Variants in ZBP1 observed in about 807,000 individuals in gnomAD.
ZBP1 encodes Z-DNA binding protein 1.
ZBP1 carries 42 observed loss-of-function variants against 41.1 expected under a neutral mutation model. The observed-to-expected ratio is 1.02, with a 90% CI of 0.80 to 1.32. ZBP1 has a LOEUF of 1.32. Among genes scored for constraint, ZBP1 ranks in the 40% most tolerant of loss-of-function variants. The pLI is 0.00. For missense variants in ZBP1, 562 were observed against 549.7 expected (o/e 1.02, Z -0.22); for synonymous variants, 214 against 205.2 (o/e 1.04, Z -0.37).
Position 57,610,074 on chromosome 20 carries a change from G to C in ZBP1, c.1093+75C>G. 1.4e-6 allele frequency: 2 copies of C among 1,427,170 alleles called. No homozygotes were observed. Among genetic ancestry groups the C allele is most frequent in the Admixed American group, 3.5e-5 (2 of 57,590 alleles). 88.4% of individuals were successfully genotyped at this position (1,427,170 alleles called of 1,614,324 possible). A position where few individuals can be genotyped will look rare whatever the true frequency, so the allele number is the denominator to read the frequency against. ...CCAGAGATTAGCGAATGATCGATGAGAGTGAATGAATGAATGAGTGGAAGG... is the reference window on the plus strand; with the variant it reads ...CCAGAGATTAGCGAATGATCGATGACAGTGAATGAATGAATGAGTGGAAGG... On this transcript the variant is annotated intron_variant, in intron 7 of 7. Transcript: ENST00000371173. This position sits in a 1 kb window ranked among gnomAD's most constrained non-coding sequence, Gnocchi z 5.5.
chr20:57,610,003 T>C lies in ZBP1; in HGVS notation c.1093+146A>G. ...GGAGCCTCCACGCTGACTCTAGAGC[T>C]GCTGCTCCTCGCTGTGGGTGGGCAC... On this transcript the variant is annotated intron_variant, in intron 7 of 7. Coordinates refer to ENST00000371173, the MANE Select transcript of ZBP1 (RefSeq NM_030776.3). This position sits in a 1 kb window ranked among gnomAD's most constrained non-coding sequence, Gnocchi z 5.5. 1.1e-6 allele frequency: 1 copy of C among 891,646 alleles called. No individual in the cohort carries two copies. The highest frequency in any genetic ancestry group is 1.7e-6 in the Non-Finnish European group (1 of 577,916). 55.2% of individuals were successfully genotyped at this position (891,646 alleles called of 1,614,324 possible).
In ZBP1 at chr20:57,616,296, G is replaced by A. The variant is rs765740931; in HGVS notation, c.207C>T (p.Gly69=). 3.8e-5 allele frequency: 62 copies of A among 1,614,020 alleles called. No homozygotes were observed. Among genetic ancestry groups the A allele is most frequent in the South Asian group, 6.6e-5 (6 of 91,090 alleles). ...SLTSPATWCL[G]GTDPEGEGPA... is the part of the protein sequence containing the mutation. Reference sequence around the variant, plus strand: ...GACCCTCGCCTTCAGGATCAGTCCCGCCCAAGCACCAGGTGGCAGGGGATG... The same window carrying A: ...GACCCTCGCCTTCAGGATCAGTCCCACCCAAGCACCAGGTGGCAGGGGATG... Residue 69 remains glycine (G), a synonymous_variant, in exon 2 of 8, where the codon GGC becomes GGT. Coordinates refer to ENST00000371173, the MANE Select transcript of ZBP1 (RefSeq NM_030776.3).
At position 57,615,389 on chromosome 20, in the gene ZBP1, T is replaced by C. The variant is rs150922849; in HGVS notation, c.328+123A>G. On this transcript the variant is annotated intron_variant, in intron 3 of 7. Transcript: ENST00000371173. The stretch of plus-strand genomic sequence containing the variant: ...TTGGCTCTGAACACTGTATGGGAGC[T>C]GCCTGGTGGGTGGGACAGGGCCCCT... The C allele has an allele frequency of 1.8e-3, 1,877 of 1,040,008 alleles. 17 individuals are homozygous for C. In the African/African-American group the frequency reaches 0.026, roughly 15 times the overall value. 64.4% of individuals were successfully genotyped at this position (1,040,008 alleles called of 1,614,324 possible). A position where few individuals can be genotyped will look rare whatever the true frequency, so the allele number is the denominator to read the frequency against.
At chr20:57,616,534 G>T in intron 1 of ZBP1, 66 bp from the exon 2 acceptor site, 1 of 1,580,126 alleles carries the variant, frequency 6.3e-7, no homozygotes. Flanking sequence ...TTGAGCCCAG[G>T]CTGGAGGCTC....
rs151100341 is a variant in ZBP1 at position 57,604,486 on chromosome 20, C to T, written c.*87G>A. On this transcript the variant is annotated 3_prime_UTR_variant, in exon 8 of 8. Coordinates refer to ENST00000371173, the MANE Select transcript of ZBP1 (RefSeq NM_030776.3). ...CTGGAAGCAAGCAGGTCAAACAAGA[C>T]GCTAAGGAATGCAGAGAGCAGCAGG... The T allele has an allele frequency of 1.2e-3, 1,860 of 1,512,226 alleles. 21 individuals carry two copies. The African/African-American group carries it at 0.023, about 19-fold the overall frequency. The allele number at this position is 1,512,226 out of a possible 1,614,324, so 93.7% of individuals were successfully genotyped here. A position where few individuals can be genotyped will look rare whatever the true frequency, so the allele number is the denominator to read the frequency against.
At position 57,610,713 on chromosome 20, in the gene ZBP1, T is replaced by C. The variant is rs2070641603; in HGVS notation, c.875-346A>G. On this transcript the variant is annotated intron_variant, in intron 6 of 7. Transcript: ENST00000371173. The surrounding 1 kb of genome is among the most constrained non-coding windows in gnomAD (Gnocchi z 5.5). The stretch of plus-strand genomic sequence containing the variant: ...CTGGAACACTGGCCCCCACTTTTGG[T>C]TGAAATCTTATGGGGGCTCCCAGCC... The C allele has an allele frequency of 1.1e-5, 4 of 361,984 alleles. No individual in the cohort carries two copies. Among genetic ancestry groups the C allele is most frequent in the Admixed American group, 4.3e-5 (1 of 23,394 alleles). The allele number at this position is 361,984 out of a possible 1,614,324, so 22.4% of individuals were successfully genotyped here.
chr20:57,610,444 T>A lies in ZBP1; in HGVS notation c.875-77A>T, dbSNP rs1456172295. On this transcript the variant is annotated intron_variant, in intron 6 of 7. Coordinates refer to ENST00000371173, the MANE Select transcript of ZBP1 (RefSeq NM_030776.3). This position sits in a 1 kb window ranked among gnomAD's most constrained non-coding sequence, Gnocchi z 5.5. ...CGGGAACCCTGACCCCCAGCCTGGT[T>A]CACCCTCCTCCCCAGATCTCCCACC... 1.7e-5 allele frequency: 26 copies of A among 1,506,300 alleles called. No homozygotes were observed. The highest frequency in any genetic ancestry group is 1.8e-5 in the Non-Finnish European group (20 of 1,090,170). 93.3% of individuals were successfully genotyped at this position (1,506,300 alleles called of 1,614,324 possible).
chr20:57,610,390 C>T lies in ZBP1; in HGVS notation c.875-23G>A. On this transcript the variant is annotated intron_variant, in intron 6 of 7. Transcript: ENST00000371173. This position sits in a 1 kb window ranked among gnomAD's most constrained non-coding sequence, Gnocchi z 5.5. ...AGACTGTGGGTCAAAGGGAGAGAGG[C>T]CTGGAGCCAGGAGCAGCTGGACAGT... 6 of 1,612,918 alleles carry T rather than the reference C, an allele frequency of 3.7e-6. No individual in the cohort carries two copies. The highest frequency in any genetic ancestry group is 2.7e-5 in the African/African-American group (2 of 74,998).
At chr20:57,607,185 C>A in intron 7 of ZBP1, 1 of 1,304,112 alleles carries the variant, frequency 7.7e-7, no homozygotes, top group Non-Finnish European at 1.0e-6. Context: ...CCGTTAAGAA[C>A]ATTTGTGATT....
At chr20:57,614,121 G>A (rs2070752311) in intron 4 of ZBP1, among the ~76,000 whole-genome samples, 2 of 152,302 alleles carry the variant, frequency 1.3e-5, no homozygotes, top group South Asian at 4.1e-4. Context: ...TGCAACCTCT[G>A]CCTCCTAGGT....
chr20:57,616,449 G>A lies in ZBP1; in HGVS notation c.54C>T (p.Ile18=), dbSNP rs2070832530. 6.2e-7 allele frequency: 1 copy of A among 1,613,596 alleles called. No individual in the cohort carries two copies. The highest frequency in any genetic ancestry group is 1.3e-5 in the African/African-American group (1 of 74,916). The change falls in exon 2 of 8, where the codon ATC becomes ATT. Residue 18 remains isoleucine (I), a synonymous_variant. Transcript: ENST00000371173. ...PGREGHLEQR[I]LQVLTEAGSP... ...AGCCAGCCTCTGTCAGCACCTGCAG[G>A]ATTCTTTGTTCAAGGTGGCCTGGGG...
rs148258013 is a variant in ZBP1 at position 57,610,265 on chromosome 20, G to T, written c.977C>A (p.Ser326Ter). The T allele has an allele frequency of 1.5e-5, 25 of 1,614,056 alleles. No individual in the cohort carries two copies. The highest frequency in any genetic ancestry group is 2.0e-5 in the Non-Finnish European group (24 of 1,180,030). The change falls in exon 7 of 8, where the codon TCG becomes TAG. Residue 326 changes from serine (S) to a stop codon, truncating the protein, a stop_gained. Coordinates refer to ENST00000371173, the MANE Select transcript of ZBP1 (RefSeq NM_030776.3). LOFTEE classifies it high-confidence loss of function. The surrounding 1 kb of genome is among the most constrained non-coding windows in gnomAD (Gnocchi z 5.5). ...GEAAQRIHMKSCFLEDATIGN... is the reference protein window; with the variant it reads ...GEAAQRIHMK ...GATGGTGGCGTCCTCGAGAAAGCACGATTTCATGTGGATTCTCTGGGCGGC... is the reference window on the plus strand; with the variant it reads ...GATGGTGGCGTCCTCGAGAAAGCACTATTTCATGTGGATTCTCTGGGCGGC...
intron 7 of ZBP1, chr20:57,607,052 TTCACTTCTTATTCTTCAATAA>T: frequency 7.7e-7 from 1 of 1,297,316 alleles, no homozygotes; most frequent in Non-Finnish European, 1.0e-6. Flanking sequence ...AACTTCAACA[TTCACTTCTTATTCTTCAATAA>T]ATATATTTTA....
chr20:57,604,653 T>C lies in ZBP1; in HGVS notation c.1210A>G (p.Arg404Gly), dbSNP rs1484452117. Reference sequence around the variant, plus strand: ...CTGCCTTCTGCAGCTTTGTGACTCCTGTTTCCAAGAGTCATAGTTTCCAGC... The same window carrying C: ...CTGCCTTCTGCAGCTTTGTGACTCCCGTTTCCAAGAGTCATAGTTTCCAGC... ...PKLETMTLGN[R>G]SHKAAEGSHY... The change falls in exon 8 of 8, where the codon AGG (arginine) becomes GGG (glycine). Residue 404 changes from arginine to glycine, a missense_variant. By Grantham distance (125) the Arg-to-Gly change is moderately radical. Coordinates refer to ENST00000371173, the MANE Select transcript of ZBP1 (RefSeq NM_030776.3). The C allele has an allele frequency of 6.2e-7, 1 of 1,614,204 alleles. No homozygotes were observed.
At chr20:57,611,963 G>T in intron 5 of ZBP1, 33 bp from the exon 6 acceptor site, 1 of 1,544,970 alleles carries the variant, frequency 6.5e-7, no homozygotes, top group Non-Finnish European at 8.8e-7. Flanking sequence ...CCTCACCGGA[G>T]ATTACTGCAG....
intron 7 of ZBP1, among the ~76,000 whole-genome samples, chr20:57,609,897 T>C (rs2070604346): frequency 6.6e-6 from 1 of 152,188 alleles, no homozygotes; most frequent in African/African-American, 2.4e-5. Flanking sequence ...CTTCAGGCTA[T>C]TCTTGCCATC....
intron 7 of ZBP1, among the ~76,000 whole-genome samples, chr20:57,608,895 T>C (rs2070568409): frequency 6.6e-6 from 1 of 152,222 alleles, no homozygotes; most frequent in Non-Finnish European, 1.5e-5. Flanking sequence ...AATCCATGTT[T>C]TCTACCCATT....
At chr20:57,606,803 T>C (rs531254484) in intron 7 of ZBP1, among the ~76,000 whole-genome samples, 3 of 152,352 alleles carry the variant, frequency 2.0e-5, no homozygotes, top group African/African-American at 7.2e-5. Context: ...AGCCTAGCAT[T>C]GAGACTTACT....
In ZBP1 at chr20:57,610,726, G is replaced by A. The variant is rs1476523440; in HGVS notation, c.875-359C>T. 1 of 336,214 alleles carries A rather than the reference G, an allele frequency of 3.0e-6. No homozygotes were observed. 20.8% of individuals were successfully genotyped at this position (336,214 alleles called of 1,614,324 possible). On this transcript the variant is annotated intron_variant, in intron 6 of 7. Coordinates refer to ENST00000371173, the MANE Select transcript of ZBP1 (RefSeq NM_030776.3). This position sits in a 1 kb window ranked among gnomAD's most constrained non-coding sequence, Gnocchi z 5.5. The stretch of plus-strand genomic sequence containing the variant: ...CCCCACTTTTGGTTGAAATCTTATG[G>A]GGGCTCCCAGCCTGGCCCCAGCTCC...
Sources: allele counts gnomAD v4.1 joint callset (sites outside exome capture counted in the v4.1 genomes callset), GRCh38; gene constraint gnomAD v4.1.1; non-coding constraint Gnocchi (gnomAD v3.1); transcripts MANE v1.5; gene names NCBI Gene and HGNC (gene_info 2026-07-23, HGNC 2026-07-21).